Variants in TTC3 observed in about 807,000 individuals in gnomAD.
TTC3 encodes the protein tetratricopeptide repeat domain 3.
Under a neutral mutation model 249.6 loss-of-function variants are expected in TTC3, and 180 were observed. That is an observed-to-expected ratio of 0.72 (90% CI 0.64 to 0.82). The LOEUF (loss-of-function observed/expected upper bound fraction) is 0.82, where lower values mean the gene tolerates loss of function less well. TTC3 is among the 40% of genes least tolerant of loss of function. The pLI, the probability that TTC3 is intolerant of heterozygous loss-of-function variation, is 0.00. For missense variants in TTC3, 2,061 were observed against 2,398.4 expected, an observed-to-expected ratio of 0.86 and a Z score of 2.94; for synonymous variants, 717 against 805.0, an observed-to-expected ratio of 0.89 and a Z score of 1.85.
chr21:37,124,744 T>C lies in TTC3; in HGVS notation c.1233+2T>C, dbSNP rs2076921184. 6.2e-7 allele frequency: 1 copy of C among 1,611,246 alleles called. No homozygotes were observed. ...AACGGTGGTAATCAGAATCTAAAGG[T>C]AAGCTCCATTGAAAACTACAGTTTT... On this transcript the variant is annotated splice_donor_variant, in intron 14 of 45. Transcript: ENST00000355666. LOFTEE classifies it high-confidence loss of function.
intron 1 of TTC3, chr21:37,086,875 C>T (rs894571160): frequency 5.6e-6 from 1 of 178,580 alleles, no homozygotes; most frequent in Admixed American, 5.5e-5. Context: ...AGTGCAGCAA[C>T]AGGAAGATGT....
At chr21:37,194,349 A>G (rs898484223) in intron 41 of TTC3, 3 of 152,206 alleles carry the variant, frequency 2.0e-5, no homozygotes, top group East Asian at 1.9e-4. Flanking sequence ...GTATTCTCAC[A>G]TGGTCACATT....
chr21:37,112,077 A>G (rs1258734092), intron 11 of TTC3, among the ~76,000 whole-genome samples: 2 of 152,166 alleles, frequency 1.3e-5, no homozygotes, highest in Non-Finnish European at 2.9e-5. Flanking sequence ...ATAGCACTAA[A>G]TGCCCACAAG....
chr21:37,159,306 C>T (rs914250668), intron 28 of TTC3, among the ~76,000 whole-genome samples: 10 of 84 alleles, frequency 0.12, no homozygotes, highest in Non-Finnish European at 0.15. Flanking sequence ...GACTTGAGTC[C>T]TTCGTGAGCC....
intron 43 of TTC3, 60 bp from the exon 44 acceptor site, chr21:37,197,819 AGTT>A: frequency 2.5e-6 from 4 of 1,572,366 alleles, no homozygotes; most frequent in Non-Finnish European, 3.4e-6. Context: ...AAGATGGTCA[AGTT>A]GTTGGATAAC....
chr21:37,135,589 T>C, intron 18 of TTC3, 75 bp downstream of exon 18: 1 of 1,518,810 alleles, frequency 6.6e-7, no homozygotes, highest in Non-Finnish European at 8.9e-7. Flanking sequence ...ACCAAGGGCT[T>C]AACTCATTGT....
exon 28 of TTC3, chr21:37,156,827 T>C (rs1416720579): frequency 6.2e-7 from 1 of 1,614,036 alleles, no homozygotes; most frequent in Non-Finnish European, 8.5e-7. Context: ...AAGCCCGTTG[T>C]TTAATATGGC....
chr21:37,186,040 T>C (rs2083236172), intron 37 of TTC3: 1 of 171,476 alleles, frequency 5.8e-6, no homozygotes, highest in South Asian at 2.0e-4. Context: ...TTGTCAACTT[T>C]TTTTGGATTA....
chr21:37,185,492 A>G lies in TTC3; in HGVS notation c.4758-214A>G, dbSNP rs202203037. Reference sequence around the variant, plus strand: ...CCTGTAAGCATATGACTTAGAGTGAAGAAAAAGGTGATCTGGAAGGAAAAT... The same window carrying G: ...CCTGTAAGCATATGACTTAGAGTGAGGAAAAAGGTGATCTGGAAGGAAAAT... On this transcript the variant is annotated intron_variant, in intron 36 of 45. Transcript: ENST00000355666. Among the ~76,000 whole-genome samples, 133 of 152,332 alleles carry G rather than the reference A, an allele frequency of 8.7e-4. 1 individual carries two copies. The East Asian group carries it at 0.01, about 12-fold the overall frequency.
At chr21:37,104,628 G>A (rs889729197) in intron 10 of TTC3, among the ~76,000 whole-genome samples, 5 of 148,456 alleles carry the variant, frequency 3.4e-5, no homozygotes, top group Admixed American at 6.7e-5. Context: ...TGCCTTTGAA[G>A]CATCCAAATT....
chr21:37,086,945 G>C, intron 1 of TTC3: 2 of 282,852 alleles, frequency 7.1e-6, no homozygotes, highest in Admixed American at 4.7e-5. Flanking sequence ...CACATACAAA[G>C]ATAAATAAGA....
intron 38 of TTC3, 26 bp from the exon 39 acceptor site, chr21:37,188,469 T>C: frequency 1.3e-6 from 2 of 1,569,922 alleles, no homozygotes; most frequent in Non-Finnish European, 1.7e-6. Flanking sequence ...TGTAAAATAC[T>C]CATATGTCTT....
At chr21:37,151,897 G>A (rs1348550221) in exon 26 of TTC3, 1 of 1,588,158 alleles carries the variant, frequency 6.3e-7, no homozygotes, top group Non-Finnish European at 8.5e-7. Flanking sequence ...TATCAGCCTA[G>A]AGAAACTAAG....
At chr21:37,182,445 C>G (rs1421472038) in intron 35 of TTC3, among the ~76,000 whole-genome samples, 1 of 152,226 alleles carries the variant, frequency 6.6e-6, no homozygotes. Flanking sequence ...GCCTTGCCAA[C>G]TAAAACATGC....
chr21:37,087,465 T>G, intron 2 of TTC3, 64 bp downstream of exon 2: 1 of 1,578,922 alleles, frequency 6.3e-7, no homozygotes, highest in East Asian at 2.2e-5. Context: ...GGTTTAGGGC[T>G]ATCTGAGTAA....
chr21:37,139,319 G>T (rs1251922899), intron 19 of TTC3, among the ~76,000 whole-genome samples: 2 of 152,138 alleles, frequency 1.3e-5, no homozygotes, highest in Admixed American at 1.3e-4. Context: ...TGTAGTCAGT[G>T]TATAGACATG....
intron 34 of TTC3, among the ~76,000 whole-genome samples, chr21:37,172,290 G>A (rs539150575): frequency 7.7e-4 from 117 of 152,288 alleles, no homozygotes; most frequent in Admixed American, 1.2e-3. Context: ...ATTGTGGAGA[G>A]TGACATTTAA....
chr21:37,165,879 C>T (rs1439105118), exon 33 of TTC3: 1 of 1,614,146 alleles, frequency 6.2e-7, no homozygotes, highest in Non-Finnish European at 8.5e-7. Context: ...AAGTCTAAAC[C>T]AGTGTCAGAT....
chr21:37,200,264 C>T lies in TTC3; in HGVS notation c.5883C>T (p.His1961=), dbSNP rs150750778. Residue 1961 remains histidine (H), a synonymous_variant, in exon 45 of 46, where the codon CAC becomes CAT. Coordinates refer to ENST00000355666, the Ensembl canonical transcript of TTC3. ...GTGCAAGTTCCTGTGAAATATGCCA[C>T]GAGGTGTTCAAATCAAAAAACGTGC... 2.1e-4 allele frequency: 338 copies of T among 1,614,094 alleles called. No individual in the cohort carries two copies. In the African/African-American group the frequency reaches 3.8e-3, roughly 18 times the overall value.
Sources: gnomAD v4.1 joint callset for allele counts (sites outside exome capture counted in the v4.1 genomes callset) on GRCh38, gnomAD v4.1.1 for gene constraint, MANE v1.5 for transcripts, NCBI Gene and HGNC (gene_info 2026-07-23, HGNC 2026-07-21) for gene names.